Variants in CPNE7 observed in about 807,000 individuals in gnomAD.
The protein encoded by CPNE7 is copine-7.
In CPNE7, 78 loss-of-function variants were observed where a neutral mutation model predicts 66.5. That is an observed-to-expected ratio of 1.17 (90% CI 0.98 to 1.42). The LOEUF is 1.42. Ranked by LOEUF, CPNE7 falls within the 40% of genes most tolerant of loss-of-function variation. The probability of loss-of-function intolerance (pLI) is 0.00; values close to 1 mark genes in which losing one functional copy is unlikely to be tolerated. For missense variants in CPNE7, 1,012 were observed against 776.6 expected, an observed-to-expected ratio of 1.30 and a Z score of -3.60; for synonymous variants, 468 against 336.7, an observed-to-expected ratio of 1.39 and a Z score of -4.27.
At chr16:89,578,887 A>G (rs2058902493) in intron 2 of CPNE7, 2 of 1,613,126 alleles carry the variant, frequency 1.2e-6, no homozygotes, top group Admixed American at 1.7e-5. Context: ...GCAAGTCGTG[A>G]TGAGAGTGTC....
intron 2 of CPNE7, among the ~76,000 whole-genome samples, chr16:89,581,094 A>G (rs937040964): frequency 2.1e-5 from 3 of 141,348 alleles, no homozygotes; most frequent in African/African-American, 8.2e-5. Context: ...ACATCCCATC[A>G]CCCGTCACAT....
chr16:89,578,646 G>A (rs1293023140), intron 2 of CPNE7, among the ~76,000 whole-genome samples: 1 of 151,458 alleles, frequency 6.6e-6, no homozygotes, highest in Non-Finnish European at 1.5e-5. Context: ...TGTAATCCCA[G>A]CTACTCTGGA....
rs939235691 is a variant in CPNE7 at position 89,596,559 on chromosome 16, G to A, written c.1615G>A (p.Gly539Ser). ...GGTGGTGGAGTACTACAGCCACAGA[G>A]GCCTGCCCCCGAGAAGCCTGGGTGT... ...KQVVEYYSHRGLPPRSLGVPA... is the reference protein window; with the variant it reads ...KQVVEYYSHRSLPPRSLGVPA... Residue 539 changes from glycine (G) to serine (S), a missense_variant, in exon 15 of 15, where the codon GGC (glycine) becomes AGC (serine). Gly to Ser is a moderately conservative substitution (Grantham distance 56). Coordinates refer to ENST00000319518, the MANE Select transcript of CPNE7 (RefSeq NM_153636.3). The A allele has an allele frequency of 1.2e-6, 2 of 1,609,396 alleles. No individual in the cohort carries two copies. Among genetic ancestry groups the A allele is most frequent in the Admixed American group, 1.7e-5 (1 of 59,954 alleles).
rs1221226714 is a variant in CPNE7 at position 89,586,702 on chromosome 16, G to A, written c.813G>A (p.Lys271=). 6.2e-7 allele frequency: 1 copy of A among 1,612,734 alleles called. No homozygotes were observed. Among genetic ancestry groups the A allele is most frequent in the Non-Finnish European group, 8.5e-7 (1 of 1,179,652 alleles). ...AQWDCVNPKY[K]QKRRSYKNSG... Reference sequence around the variant, plus strand: ...GGGACTGTGTGAACCCCAAATACAAGCAGAAGAGACGCAGTTATAAGAACT... The same window carrying A: ...GGGACTGTGTGAACCCCAAATACAAACAGAAGAGACGCAGTTATAAGAACT... The change falls in exon 8 of 15, where the codon AAG becomes AAA. Residue 271 remains lysine, a synonymous_variant. Transcript: ENST00000319518.
At chr16:89,585,384 C>T in intron 5 of CPNE7, 80 bp from the exon 6 acceptor site, 1 of 987,456 alleles carries the variant, frequency 1.0e-6, no homozygotes, top group Non-Finnish European at 1.6e-6. Context: ...CTCACAGCTG[C>T]TCTTCCACCC....
At chr16:89,594,663 T>C (rs2059225363) in intron 13 of CPNE7, among the ~76,000 whole-genome samples, 1 of 132,348 alleles carries the variant, frequency 7.6e-6, no homozygotes, top group African/African-American at 3.4e-5. Flanking sequence ...TTTTTTTTTT[T>C]TTTTTTTTGG....
rs527686769 is a variant in CPNE7 at position 89,586,862 on chromosome 16, C to G, written c.867+106C>G. 15 of 1,189,226 alleles carry G rather than the reference C, an allele frequency of 1.3e-5. No individual in the cohort carries two copies. In the African/African-American group the frequency reaches 2.3e-4, roughly 18 times the overall value. 73.7% of individuals were successfully genotyped at this position (1,189,226 alleles called of 1,614,324 possible). On this transcript the variant is annotated intron_variant, in intron 8 of 14. Coordinates refer to ENST00000319518, the MANE Select transcript of CPNE7 (RefSeq NM_153636.3). ...CAACCAGAGGCCTGGTGGGCCCCAG[C>G]ACGTCTGGGGAGGGGCTGAGAGACG...
chr16:89,577,106 T>C (rs1036691469), intron 1 of CPNE7, among the ~76,000 whole-genome samples: 10 of 152,074 alleles, frequency 6.6e-5, no homozygotes, highest in African/African-American at 2.4e-4. Flanking sequence ...TACGGGGCAG[T>C]TGGACCAGGG....
In CPNE7 at chr16:89,577,438, C is replaced by T. The variant is rs1192810486; in HGVS notation, c.175-101C>T. The T allele has an allele frequency of 4.1e-6, 5 of 1,230,846 alleles. No homozygotes were observed. In the African/African-American group the frequency reaches 7.5e-5, roughly 19 times the overall value. 76.2% of individuals were successfully genotyped at this position (1,230,846 alleles called of 1,614,324 possible). On this transcript the variant is annotated intron_variant, in intron 1 of 14. Transcript: ENST00000319518. ...AGGTCTTCCCAGGGTATGAGTCCTCCTGAGGTACCTGGGCGTGGGTGAGCG... is the reference window on the plus strand; with the variant it reads ...AGGTCTTCCCAGGGTATGAGTCCTCTTGAGGTACCTGGGCGTGGGTGAGCG...
At chr16:89,591,863 G>A (rs2059175977) in intron 13 of CPNE7, among the ~76,000 whole-genome samples, 1 of 151,724 alleles carries the variant, frequency 6.6e-6, no homozygotes, top group Admixed American at 6.6e-5. Flanking sequence ...ACCACTTCTG[G>A]CTAATTTTTG....
intron 1 of CPNE7, among the ~76,000 whole-genome samples, chr16:89,576,451 C>CG (rs1302995959): frequency 2.1e-5 from 3 of 145,642 alleles, no homozygotes; most frequent in Non-Finnish European, 4.5e-5. Flanking sequence ...CGCCGGCCGA[C>CG]GGGGGGCGGG....
At chr16:89,578,481 C>T (rs1201632359) in intron 2 of CPNE7, among the ~76,000 whole-genome samples, 3 of 152,106 alleles carry the variant, frequency 2.0e-5, no homozygotes, top group Admixed American at 6.5e-5. Context: ...TCCTGGTGGC[C>T]GGCCGTGGTG....
At position 89,588,656 on chromosome 16, in the gene CPNE7, G is replaced by A. The variant is rs367891667; in HGVS notation, c.928-19G>A. 1.2e-5 allele frequency: 20 copies of A among 1,612,738 alleles called. No homozygotes were observed. The highest frequency in any genetic ancestry group is 1.5e-5 in the Non-Finnish European group (18 of 1,179,848). On this transcript the variant is annotated intron_variant, in intron 9 of 14. Transcript: ENST00000319518. ...GGAGCCCCGGCCCAGCACAGCTCCT[G>A]GCTCCCGGCCCACTGCAGGTGGCCA...
Position 89,575,855 on chromosome 16 carries a change from C to T in CPNE7, c.-43C>T. ...CGCGGCGGCGCCGACTCGCGGGCAG[C>T]GGCCCCTCAGTGCGCCCAGCCGGGC... is the stretch of plus-strand genomic sequence containing the variant. On this transcript the variant is annotated 5_prime_UTR_variant, in exon 1 of 15. Transcript: ENST00000319518. 5.1e-6 allele frequency: 6 copies of T among 1,171,032 alleles called. No individual in the cohort carries two copies. Among genetic ancestry groups the T allele is most frequent in the Non-Finnish European group, 6.3e-6 (6 of 948,304 alleles). 72.5% of individuals were successfully genotyped at this position (1,171,032 alleles called of 1,614,324 possible).
chr16:89,576,310 G>A (rs1008671018), intron 1 of CPNE7, among the ~76,000 whole-genome samples: 1 of 152,176 alleles, frequency 6.6e-6, no homozygotes, highest in Admixed American at 6.5e-5. Context: ...GAGGAGAGAG[G>A]GGGGTGCCCC....
In CPNE7 at chr16:89,595,477, C is replaced by G; in HGVS notation, c.1413C>G (p.Gly471=). ...TGCCCATGTCCATCATCATCGTGGG[C>G]GTGGGCAACGCCGACTTCACCGACA... ...SRLPMSIIIV[G]VGNADFTDMQ... is the part of the protein sequence containing the mutation. Residue 471 remains glycine, a synonymous_variant, in exon 14 of 15, where the codon GGC becomes GGG. Coordinates refer to ENST00000319518, the MANE Select transcript of CPNE7 (RefSeq NM_153636.3). 1 of 1,612,460 alleles carries G rather than the reference C, an allele frequency of 6.2e-7. No homozygotes were observed. Among genetic ancestry groups the G allele is most frequent in the Non-Finnish European group, 8.5e-7 (1 of 1,179,764 alleles).
intron 13 of CPNE7, among the ~76,000 whole-genome samples, chr16:89,594,557 C>T (rs1000079252): frequency 1.2e-4 from 18 of 151,510 alleles, no homozygotes; most frequent in Non-Finnish European, 2.4e-4. Flanking sequence ...CTTTATGTTT[C>T]CCGTTGTCCA....
chr16:89,579,247 G>A lies in CPNE7; in HGVS notation c.357+1526G>A, dbSNP rs145282555. Among the ~76,000 whole-genome samples, 435 of 151,710 alleles carry A rather than the reference G, an allele frequency of 2.9e-3. 1 individual carries two copies. Among genetic ancestry groups the A allele is most frequent in the African/African-American group, 5.0e-3 (208 of 41,288 alleles). Reference sequence around the variant, plus strand: ...GCAGAGGTTTCAGCGAGCCGAGATCGCGCCACTGCACACCAGCCCAGGTGA... The same window carrying A: ...GCAGAGGTTTCAGCGAGCCGAGATCACGCCACTGCACACCAGCCCAGGTGA... On this transcript the variant is annotated intron_variant, in intron 2 of 14. Coordinates refer to ENST00000319518, the MANE Select transcript of CPNE7 (RefSeq NM_153636.3).
At chr16:89,578,798 C>T (rs2058901276) in intron 2 of CPNE7, 3 of 1,494,162 alleles carry the variant, frequency 2.0e-6, no homozygotes, top group South Asian at 1.3e-5. Context: ...TTGTGAGCAG[C>T]AGGTCCTACG....
Sources: allele counts gnomAD v4.1 joint callset (sites outside exome capture counted in the v4.1 genomes callset), GRCh38; gene constraint gnomAD v4.1.1; transcripts MANE v1.5; gene names NCBI Gene and HGNC (gene_info 2026-07-23, HGNC 2026-07-21).